JAKMIP2: variants seen among roughly 807,000 people sequenced by gnomAD.
The protein encoded by JAKMIP2 is janus kinase and microtubule-interacting protein 2.
A neutral mutation model predicts 115.0 loss-of-function variants in JAKMIP2; 25 were observed. The observed-to-expected ratio is 0.22, with a 90% CI of 0.16 to 0.30. The LOEUF (loss-of-function observed/expected upper bound fraction) is 0.30, where lower values mean the gene tolerates loss of function less well. Among genes scored for constraint, JAKMIP2 ranks in the 10% least tolerant of loss-of-function variants. The pLI is 1.00. For synonymous variants in JAKMIP2, 334 were observed against 343.6 expected (o/e 0.97, Z 0.31); for missense variants, 642 against 957.6 (o/e 0.67, Z 4.35).
intron 11 of JAKMIP2, chr5:147,636,496 A>G: frequency 1.7e-6 from 1 of 594,342 alleles, no homozygotes; most frequent in Non-Finnish European, 3.0e-6. Flanking sequence ...ATCACTCCCT[A>G]TTTCTACCTT....
Position 147,587,899 on chromosome 5 carries a change from G to T in JAKMIP2, c.*3808C>A, listed in dbSNP as rs113120230. Reference sequence around the variant, plus strand: ...GCCTTCTATATCAGCTCTACCTTATGGACTTGGGAAGACACATACAACCTG... The same window carrying T: ...GCCTTCTATATCAGCTCTACCTTATTGACTTGGGAAGACACATACAACCTG... On this transcript the variant is annotated 3_prime_UTR_variant, in exon 22 of 22. Transcript: ENST00000616793. The T allele has an allele frequency of 6.6e-6, 1 of 151,112 alleles. No individual in the cohort carries two copies. Among genetic ancestry groups the T allele is most frequent in the Non-Finnish European group, 1.5e-5 (1 of 67,910 alleles). The allele number at this position is 151,112 out of a possible 1,614,324, so 9.4% of individuals were successfully genotyped here.
intron 1 of JAKMIP2, among the ~76,000 whole-genome samples, chr5:147,712,079 T>A (rs1351181166): frequency 6.6e-6 from 1 of 152,242 alleles, no homozygotes; most frequent in Non-Finnish European, 1.5e-5. Flanking sequence ...TGTCTTAGAA[T>A]CTGAATATTT....
intron 1 of JAKMIP2, among the ~76,000 whole-genome samples, chr5:147,679,351 G>A (rs570169348): frequency 4.1e-4 from 62 of 152,186 alleles, no homozygotes; most frequent in African/African-American, 1.5e-3. Context: ...ATGTAGCCAC[G>A]TGGTCAAGAA....
chr5:147,620,255 T>C (rs1193641506), intron 18 of JAKMIP2, among the ~76,000 whole-genome samples: 1 of 152,046 alleles, frequency 6.6e-6, no homozygotes, highest in Admixed American at 6.6e-5. Context: ...GTCACCATGA[T>C]TGGCTAATTT....
intron 1 of JAKMIP2, among the ~76,000 whole-genome samples, chr5:147,686,034 A>G (rs1186345989): frequency 6.6e-6 from 1 of 152,218 alleles, no homozygotes; most frequent in African/African-American, 2.4e-5. Flanking sequence ...AGGCTGGAAC[A>G]CAATGGCCAT....
chr5:147,773,543 G>A (rs553881403), intron 1 of JAKMIP2, among the ~76,000 whole-genome samples: 1 of 152,242 alleles, frequency 6.6e-6, no homozygotes, highest in Non-Finnish European at 1.5e-5. Context: ...CTACATTTCA[G>A]GGGCCTCGAC....
chr5:147,601,760 A>G lies in JAKMIP2; in HGVS notation c.*1T>C, dbSNP rs1353291320. On this transcript the variant is annotated 3_prime_UTR_variant, in exon 21 of 22. Coordinates refer to ENST00000616793, the MANE Select transcript of JAKMIP2 (RefSeq NM_001270941.2). ...TCTTACCTTTAAGAGGCACCTTGAC[A>G]TCAAGGCCATAGAATAAAGGCAAGA... is the stretch of plus-strand genomic sequence containing the variant. 2 of 1,526,798 alleles carry G rather than the reference A, an allele frequency of 1.3e-6. No individual in the cohort carries two copies. Among genetic ancestry groups the G allele is most frequent in the East Asian group, 4.9e-5 (2 of 40,602 alleles). 94.6% of individuals were successfully genotyped at this position (1,526,798 alleles called of 1,614,324 possible).
chr5:147,727,724 G>A (rs1408073151), intron 1 of JAKMIP2, among the ~76,000 whole-genome samples: 1 of 152,100 alleles, frequency 6.6e-6, no homozygotes, highest in Non-Finnish European at 1.5e-5. Flanking sequence ...GGAGTACTAC[G>A]GTTAAAAGTC....
rs1417212237 is a variant in JAKMIP2, at chr5:147,728,394, G to C, written c.-149+54062C>G. On this transcript the variant is annotated intron_variant, in intron 1 of 21. Coordinates refer to ENST00000616793, the MANE Select transcript of JAKMIP2 (RefSeq NM_001270941.2). ...TGTCTTGTTCTGTAGTGTCCTTTTG[G>C]GATTCAAGATGTAATATAAAAATGG... Among the ~76,000 whole-genome samples the C allele has an allele frequency of 3.9e-5, 6 of 152,046 alleles. 1 individual carries two copies. The highest frequency in any genetic ancestry group is 3.3e-4 in the Admixed American group (5 of 15,248).
chr5:147,661,223 G>A lies in JAKMIP2; in HGVS notation c.352C>T (p.Leu118Phe), dbSNP rs774557173. ...DGEIQRLKSA[L>F]CALRDGSSDK... ...CTGCTGCCGTCGCGGAGAGCACAGA[G>A]AGCAGACTTGAGCCTCTGGATCTCT... The change falls in exon 3 of 22, where the codon CTC becomes TTC. Residue 118 changes from leucine to phenylalanine, a missense_variant. Physicochemically the swap from Leu to Phe is conservative, Grantham distance 22. Coordinates refer to ENST00000616793, the MANE Select transcript of JAKMIP2 (RefSeq NM_001270941.2). The A allele has an allele frequency of 7.4e-6, 12 of 1,613,888 alleles. No individual in the cohort carries two copies. In the East Asian group the frequency reaches 2.5e-4, roughly 33 times the overall value.
At chr5:147,724,385 T>G (rs570775512) in intron 1 of JAKMIP2, among the ~76,000 whole-genome samples, 1 of 152,148 alleles carries the variant, frequency 6.6e-6, no homozygotes, top group Non-Finnish European at 1.5e-5. Context: ...TATGGCAAGG[T>G]GTTATATAGA....
chr5:147,614,397 A>G (rs989672643), intron 19 of JAKMIP2, among the ~76,000 whole-genome samples: 9 of 152,202 alleles, frequency 5.9e-5, no homozygotes, highest in African/African-American at 2.2e-4. Context: ...ACATCATATG[A>G]CGTATACTTG....
At chr5:147,631,373 T>C in intron 14 of JAKMIP2, 40 bp downstream of exon 14, 1 of 1,342,136 alleles carries the variant, frequency 7.5e-7, no homozygotes. Flanking sequence ...TCCCAGTTTT[T>C]CTAATTTCTA....
chr5:147,624,706 A>C (rs2126665578), intron 16 of JAKMIP2, among the ~76,000 whole-genome samples: 1 of 152,286 alleles, frequency 6.6e-6, no homozygotes, highest in Non-Finnish European at 1.5e-5. Context: ...ATCTCTAGCA[A>C]GTTAAATGTC....
At chr5:147,698,635 T>C (rs890849315) in intron 1 of JAKMIP2, among the ~76,000 whole-genome samples, 7 of 152,154 alleles carry the variant, frequency 4.6e-5, no homozygotes, top group Non-Finnish European at 1.0e-4. Context: ...TCTGATGGTC[T>C]TATTAGGGCT....
chr5:147,637,786 T>C (rs73268153), intron 10 of JAKMIP2, among the ~76,000 whole-genome samples: 33,244 of 151,940 alleles, frequency 0.22, 4,631 homozygotes, highest in East Asian at 0.59. Context: ...GTCTTTCTCT[T>C]TATATATCAT....
At chr5:147,681,645 C>A (rs1180298031) in intron 1 of JAKMIP2, among the ~76,000 whole-genome samples, 3 of 151,992 alleles carry the variant, frequency 2.0e-5, no homozygotes, top group Admixed American at 1.3e-4. Flanking sequence ...ACTTGCCCAC[C>A]CTAGGGGAGG....
Position 147,585,990 on chromosome 5 carries a change from C to T in JAKMIP2, c.*5717G>A, listed in dbSNP as rs1215195788. ...TCAAAAAAAAGAAACATCAACCAAC[C>T]AACCAAACAAATAAAAAAAACCTAT... On this transcript the variant is annotated 3_prime_UTR_variant, in exon 22 of 22. Transcript: ENST00000616793. 6.6e-6 allele frequency: 1 copy of T among 151,484 alleles called. No individual in the cohort carries two copies. The highest frequency in any genetic ancestry group is 1.5e-5 in the Non-Finnish European group (1 of 67,918). 9.4% of individuals were successfully genotyped at this position (151,484 alleles called of 1,614,324 possible).
chr5:147,752,663 T>C (rs971223649), intron 1 of JAKMIP2, among the ~76,000 whole-genome samples: 1 of 152,046 alleles, frequency 6.6e-6, no homozygotes, highest in South Asian at 2.1e-4. Flanking sequence ...GTGGAAGTGA[T>C]GGTGGTGATG....
Sources: gnomAD v4.1 joint callset for allele counts (sites outside exome capture counted in the v4.1 genomes callset) on GRCh38, gnomAD v4.1.1 for gene constraint, MANE v1.5 for transcripts, NCBI Gene and HGNC (gene_info 2026-07-23, HGNC 2026-07-21) for gene names.